Variants in ATRNL1 observed in about 807,000 individuals in gnomAD.
ATRNL1 encodes the protein attractin like 1.
A neutral mutation model predicts 182.7 loss-of-function variants in ATRNL1; 95 were observed. The ratio of observed to expected loss-of-function variants is 0.52; its 90% CI spans 0.44 to 0.62. ATRNL1 has a LOEUF of 0.62. Among genes scored for constraint, ATRNL1 ranks in the 20% least tolerant of loss-of-function variants. The probability of loss-of-function intolerance (pLI) is 0.00; values close to 1 mark genes in which losing one functional copy is unlikely to be tolerated. For synonymous variants in ATRNL1, 576 were observed against 568.3 expected (o/e 1.01, Z -0.19); for missense variants, 1,471 against 1,679.5 (o/e 0.88, Z 2.17).
At chr10:115,848,507 C>T (rs1409403322) in intron 28 of ATRNL1, among the ~76,000 whole-genome samples, 1 of 152,146 alleles carries the variant, frequency 6.6e-6, no homozygotes, top group African/African-American at 2.4e-5. Context: ...CTTTCAGCAC[C>T]AGCTGGAGTT....
intron 26 of ATRNL1, among the ~76,000 whole-genome samples, chr10:115,569,084 T>C (rs1482027487): frequency 6.6e-6 from 1 of 151,938 alleles, no homozygotes; most frequent in Non-Finnish European, 1.5e-5. Flanking sequence ...AACATTGCAA[T>C]GTTAGAAATA....
intron 26 of ATRNL1, among the ~76,000 whole-genome samples, chr10:115,553,091 T>G (rs1554995994): frequency 6.6e-6 from 1 of 151,332 alleles, no homozygotes; most frequent in East Asian, 1.9e-4. Context: ...TGAATATTAA[T>G]AGGTATCATA....
chr10:115,155,632 T>A (rs1291968249), intron 5 of ATRNL1, among the ~76,000 whole-genome samples: 1 of 152,198 alleles, frequency 6.6e-6, no homozygotes, highest in African/African-American at 2.4e-5. Context: ...ATCCATTGAT[T>A]GATTGATTCC....
chr10:115,548,732 C>G (rs1174457826), intron 25 of ATRNL1, among the ~76,000 whole-genome samples: 2 of 152,194 alleles, frequency 1.3e-5, no homozygotes, highest in African/African-American at 4.8e-5. Context: ...AACATTGTAA[C>G]TGACTTATTT....
chr10:115,785,813 G>A (rs1555080307), intron 27 of ATRNL1, among the ~76,000 whole-genome samples: 1 of 152,112 alleles, frequency 6.6e-6, no homozygotes. Flanking sequence ...GAAGAAAGCA[G>A]GCCACACTTC....
chr10:115,270,413 TA>T (rs1191043200), intron 13 of ATRNL1, among the ~76,000 whole-genome samples: 10 of 140,756 alleles, frequency 7.1e-5, no homozygotes, highest in Non-Finnish European at 1.4e-4. Context: ...TATATAAATA[TA>T]ATATATATTT....
At chr10:115,502,316 A>C (rs1849884481) in intron 24 of ATRNL1, among the ~76,000 whole-genome samples, 1 of 152,114 alleles carries the variant, frequency 6.6e-6, no homozygotes, top group African/African-American at 2.4e-5. Context: ...TAAAGGATTA[A>C]TTAGGTTAGA....
intron 19 of ATRNL1, among the ~76,000 whole-genome samples, chr10:115,377,649 C>G (rs1483401944): frequency 6.6e-6 from 1 of 152,174 alleles, no homozygotes; most frequent in African/African-American, 2.4e-5. Flanking sequence ...ATCTGTGCAG[C>G]TGAGGAGCAA....
chr10:115,863,928 GAGC>G (rs1366910595), intron 28 of ATRNL1, among the ~76,000 whole-genome samples: 1 of 152,144 alleles, frequency 6.6e-6, no homozygotes, highest in African/African-American at 2.4e-5. Flanking sequence ...CAACCTGAAG[GAGC>G]AGCTAATGGC....
intron 25 of ATRNL1, among the ~76,000 whole-genome samples, chr10:115,540,102 C>G (rs143463931): frequency 1.4e-3 from 210 of 148,038 alleles, no homozygotes; most frequent in African/African-American, 4.8e-3. Flanking sequence ...ACATTGTGCA[C>G]ATTTACCCTA....
At chr10:115,897,679 C>A (rs1306974487) in intron 28 of ATRNL1, among the ~76,000 whole-genome samples, 1 of 152,072 alleles carries the variant, frequency 6.6e-6, no homozygotes, top group East Asian at 1.9e-4. Flanking sequence ...ATGCTGAGCC[C>A]AGGCTGCCAG....
chr10:115,202,024 T>C (rs1454869788), intron 8 of ATRNL1, among the ~76,000 whole-genome samples: 1 of 151,738 alleles, frequency 6.6e-6, no homozygotes, highest in Admixed American at 6.6e-5. Flanking sequence ...ATGATTTGGC[T>C]CTCTGTTTGT....
intron 19 of ATRNL1, among the ~76,000 whole-genome samples, chr10:115,340,602 G>A (rs1248883279): frequency 5.3e-5 from 8 of 151,038 alleles, no homozygotes; most frequent in Admixed American, 1.3e-4. Context: ...AGTAGGATTG[G>A]TATTAGTTCT....
chr10:115,777,810 A>C (rs1949165006), intron 27 of ATRNL1, among the ~76,000 whole-genome samples: 2 of 152,208 alleles, frequency 1.3e-5, no homozygotes, highest in African/African-American at 4.8e-5. Flanking sequence ...ACAATGCGTG[A>C]GTTAAAAATA....
At chr10:115,849,700 C>T (rs1322594979) in intron 28 of ATRNL1, among the ~76,000 whole-genome samples, 2 of 152,084 alleles carry the variant, frequency 1.3e-5, no homozygotes, top group African/African-American at 4.8e-5. Context: ...ATAAAACTAA[C>T]ATCATAAATG....
At chr10:115,818,098 A>C (rs889163767) in intron 27 of ATRNL1, among the ~76,000 whole-genome samples, 4 of 150,410 alleles carry the variant, frequency 2.7e-5, no homozygotes, top group Non-Finnish European at 4.4e-5. Flanking sequence ...ATTGCCTTTC[A>C]TTTTATTGCT....
At chr10:115,136,072 C>T (rs1455034568) in intron 5 of ATRNL1, among the ~76,000 whole-genome samples, 2 of 151,382 alleles carry the variant, frequency 1.3e-5, no homozygotes, top group Non-Finnish European at 2.9e-5. Flanking sequence ...CTATGTTGCT[C>T]AGACTGGTCT....
At chr10:115,650,353 ATT>A (rs1305505671) in intron 26 of ATRNL1, among the ~76,000 whole-genome samples, 2 of 145,386 alleles carry the variant, frequency 1.4e-5, no homozygotes, top group Admixed American at 7.2e-5. Flanking sequence ...TCATGGAGGC[ATT>A]GTTTATCTTA....
At chr10:115,769,747 A>G (rs1593191804) in intron 27 of ATRNL1, among the ~76,000 whole-genome samples, 2 of 152,184 alleles carry the variant, frequency 1.3e-5, no homozygotes, top group African/African-American at 2.4e-5. Context: ...GTGAAATAAC[A>G]GCAACCTCAT....
Sources: gnomAD v4.1 joint callset for allele counts (sites outside exome capture counted in the v4.1 genomes callset) on GRCh38, gnomAD v4.1.1 for gene constraint, MANE v1.5 for transcripts, NCBI Gene and HGNC (gene_info 2026-07-23, HGNC 2026-07-21) for gene names.